Variants in DICER1 observed in about 807,000 individuals in gnomAD.
The protein encoded by DICER1 is dicer 1, ribonuclease III.
Under a neutral mutation model 194.1 loss-of-function variants are expected in DICER1, and 43 were observed. The ratio of observed to expected loss-of-function variants is 0.22; its 90% CI spans 0.17 to 0.29. DICER1 has a LOEUF of 0.29. Among genes scored for constraint, DICER1 ranks in the 10% least tolerant of loss-of-function variants. The pLI, the probability that DICER1 is intolerant of heterozygous loss-of-function variation, is 1.00. For synonymous variants in DICER1, 832 were observed against 820.5 expected (o/e 1.01, Z -0.24); for missense variants, 1,608 against 2,317.0 (o/e 0.69, Z 6.28).
intron 9 of DICER1, among the ~76,000 whole-genome samples, chr14:95,117,116 T>C (rs571391865): frequency 2.6e-5 from 4 of 152,310 alleles, no homozygotes; most frequent in African/African-American, 9.6e-5. Flanking sequence ...TATTAGTTTT[T>C]AGCATCTTTA....
intron 21 of DICER1, among the ~76,000 whole-genome samples, chr14:95,102,095 T>C (rs146879440): frequency 1.1e-3 from 172 of 152,316 alleles, no homozygotes; most frequent in African/African-American, 3.9e-3. Context: ...TATATGTGTA[T>C]ATATGTGGGT....
At chr14:95,116,058 GACACACAC>G (rs150390018) in intron 10 of DICER1, among the ~76,000 whole-genome samples, 12 of 142,950 alleles carry the variant, frequency 8.4e-5, no homozygotes, top group African/African-American at 2.5e-4. Flanking sequence ...TGCCTACACA[GACACACAC>G]ACACACACAC....
At chr14:95,116,090 C>T (rs796772417) in intron 10 of DICER1, among the ~76,000 whole-genome samples, 33 of 149,202 alleles carry the variant, frequency 2.2e-4, no homozygotes, top group African/African-American at 6.7e-4. Flanking sequence ...CACACACACA[C>T]GACTGTTAGT....
intron 14 of DICER1, among the ~76,000 whole-genome samples, chr14:95,110,521 AT>A (rs535800625): frequency 7.1e-4 from 107 of 150,252 alleles, no homozygotes; most frequent in African/African-American, 2.5e-3. Context: ...GCTGGGAACG[AT>A]TTTTTTTTTC....
At chr14:95,117,108 T>C (rs936414814) in intron 9 of DICER1, among the ~76,000 whole-genome samples, 1 of 152,200 alleles carries the variant, frequency 6.6e-6, no homozygotes, top group Admixed American at 6.5e-5. Context: ...GACCATGGTA[T>C]TAGTTTTTAG....
chr14:95,145,506 AAATAGT>A (rs1895074783), intron 1 of DICER1, among the ~76,000 whole-genome samples: 1 of 152,232 alleles, frequency 6.6e-6, no homozygotes, highest in African/African-American at 2.4e-5. Context: ...GAGAAACAAG[AAATAGT>A]AATAATCATG....
chr14:95,116,413 T>G, intron 10 of DICER1, 40 bp downstream of exon 10: 1 of 1,601,216 alleles, frequency 6.2e-7, no homozygotes, highest in African/African-American at 1.3e-5. Context: ...ATTAATTTTT[T>G]TTCCCAATCT....
At chr14:95,122,762 CTAAAGT>C (rs1893040185) in intron 8 of DICER1, among the ~76,000 whole-genome samples, 1 of 152,122 alleles carries the variant, frequency 6.6e-6, no homozygotes, top group Admixed American at 6.5e-5. Flanking sequence ...AATTTGGTCC[CTAAAGT>C]TATTTTCCTT....
chr14:95,147,187 G>A (rs8004813), intron 1 of DICER1, among the ~76,000 whole-genome samples: 9,925 of 152,250 alleles, frequency 0.065, 422 homozygotes, highest in African/African-American at 0.12. Context: ...CCTCCCAGCC[G>A]TGTGCAGTGG....
chr14:95,125,085 A>G (rs1046802425), intron 7 of DICER1, among the ~76,000 whole-genome samples: 8 of 152,176 alleles, frequency 5.3e-5, no homozygotes, highest in Non-Finnish European at 1.0e-4. Flanking sequence ...CTCCAGCATT[A>G]TATGTTTTCC....
rs1555375819 is a variant in DICER1, at chr14:95,129,546, T to G, written c.660A>C (p.Glu220Asp). The G allele has an allele frequency of 6.2e-7, 1 of 1,613,930 alleles. No homozygotes were observed. Among genetic ancestry groups the G allele is most frequent in the Non-Finnish European group, 8.5e-7 (1 of 1,179,902 alleles). Residue 220 changes from glutamate (E) to aspartate (D), a missense_variant, in exon 6 of 27, where the codon GAA becomes GAC. Coordinates refer to ENST00000343455, the MANE Select transcript of DICER1 (RefSeq NM_177438.3). ...TTTTCTCTAGTTTCTGAATCTTTTC[T>G]TCCAATTCCTCTGGATCACATTTCC... ...LNGKCDPEEL[E>D]EKIQKLEKIL...
chr14:95,138,994 T>TAAAAA (rs67050539), intron 1 of DICER1, among the ~76,000 whole-genome samples: 1 of 135,962 alleles, frequency 7.4e-6, no homozygotes, highest in Non-Finnish European at 1.6e-5. Flanking sequence ...AATAAAAAAA[T>TAAAAA]AAAAAAAAAA....
chr14:95,094,503 C>G (rs989315719), intron 23 of DICER1, among the ~76,000 whole-genome samples: 1 of 152,174 alleles, frequency 6.6e-6, no homozygotes, highest in African/African-American at 2.4e-5. Flanking sequence ...GCCTTCCTCT[C>G]GAGTCTCCCT....
intron 21 of DICER1, 113 bp downstream of exon 21, chr14:95,103,233 G>GT (rs1891050491): frequency 6.6e-6 from 8 of 1,213,818 alleles, no homozygotes; most frequent in Non-Finnish European, 9.7e-6. Flanking sequence ...CTTGGCCGGT[G>GT]TAGCAATTTC....
chr14:95,156,736 G>C (rs1167524207), intron 1 of DICER1, among the ~76,000 whole-genome samples: 2 of 152,146 alleles, frequency 1.3e-5, no homozygotes, highest in African/African-American at 4.8e-5. Flanking sequence ...AATCACACAG[G>C]ACCCTCCCGG....
chr14:95,156,908 C>T (rs1895918450), intron 1 of DICER1, among the ~76,000 whole-genome samples: 1 of 152,138 alleles, frequency 6.6e-6, no homozygotes, highest in South Asian at 2.1e-4. Context: ...CCCCAGGCCT[C>T]GCCAGGCCGG....
intron 1 of DICER1, among the ~76,000 whole-genome samples, chr14:95,153,653 A>G (rs1204532864): frequency 6.6e-6 from 1 of 152,156 alleles, no homozygotes; most frequent in Non-Finnish European, 1.5e-5. Flanking sequence ...CCTTGCCCCA[A>G]TCATTCATCT....
At chr14:95,094,979 G>GT (rs1469833222) in intron 23 of DICER1, among the ~76,000 whole-genome samples, 3 of 152,190 alleles carry the variant, frequency 2.0e-5, no homozygotes, top group East Asian at 1.9e-4. Flanking sequence ...CGAAAGCCAC[G>GT]TATCATTTTT....
At chr14:95,155,844 T>C (rs915248978) in intron 1 of DICER1, among the ~76,000 whole-genome samples, 5 of 152,214 alleles carry the variant, frequency 3.3e-5, no homozygotes, top group African/African-American at 9.6e-5. Flanking sequence ...TTTTATGGAA[T>C]ATGCCCTAAA....
Sources: allele counts gnomAD v4.1 joint callset (sites outside exome capture counted in the v4.1 genomes callset), GRCh38; gene constraint gnomAD v4.1.1; transcripts MANE v1.5; gene names NCBI Gene and HGNC (gene_info 2026-07-23, HGNC 2026-07-21).